SLC25A1: variants seen among roughly 807,000 people sequenced by gnomAD.
SLC25A1 encodes solute carrier family 25 member 1.
In SLC25A1, 26 loss-of-function variants were observed where a neutral mutation model predicts 38.1. The ratio of observed to expected loss-of-function variants is 0.68; its 90% CI spans 0.50 to 0.95. SLC25A1 has a LOEUF of 0.95. Ranked by LOEUF, SLC25A1 falls within the 40% of genes least tolerant of loss-of-function variation. SLC25A1 has a pLI of 0.00. For synonymous variants in SLC25A1, 211 were observed against 183.2 expected, an observed-to-expected ratio of 1.15 and a Z score of -1.23; for missense variants, 378 against 426.6, an observed-to-expected ratio of 0.89 and a Z score of 1.00.
chr22:19,178,617 C>G lies in SLC25A1; in HGVS notation c.57G>C (p.Lys19Asn). Reference sequence around the variant, plus strand: ...CCTTCCCCGGGTGCGTCAGCTTGGCCTTCCCGGACGCGGGCGCGGCGGCCG... The same window carrying G: ...CCTTCCCCGGGTGCGTCAGCTTGGCGTTCCCGGACGCGGGCGCGGCGGCCG... Reference protein sequence around the residue: ...ALAAAAPASGKAKLTHPGKAI... With the variant: ...ALAAAAPASGNAKLTHPGKAI... Residue 19 changes from lysine (K) to asparagine (N), a missense_variant, in exon 1 of 9, where the codon AAG (lysine) becomes AAC (asparagine). By Grantham distance (94) the Lys-to-Asn change is moderately conservative (BLOSUM62 0). Coordinates refer to ENST00000215882, the MANE Select transcript of SLC25A1 (RefSeq NM_005984.5). This position sits in a 1 kb window ranked among gnomAD's most constrained non-coding sequence, Gnocchi z 4.9. 2 of 1,203,444 alleles carry G rather than the reference C, an allele frequency of 1.7e-6. No individual in the cohort carries two copies. The highest frequency in any genetic ancestry group is 2.1e-6 in the Non-Finnish European group (2 of 969,600). The allele number at this position is 1,203,444 out of a possible 1,614,324, so 74.5% of individuals were successfully genotyped here.
chr22:19,178,596 C>T lies in SLC25A1; in HGVS notation c.78G>A (p.Gly26=). 3.3e-6 allele frequency: 4 copies of T among 1,210,824 alleles called. No homozygotes were observed. The highest frequency in any genetic ancestry group is 3.4e-5 in the East Asian group (1 of 29,688). The allele number at this position is 1,210,824 out of a possible 1,614,324, so 75.0% of individuals were successfully genotyped here. The change falls in exon 1 of 9, where the codon GGG becomes GGA. Residue 26 remains glycine, a synonymous_variant. Transcript: ENST00000215882. The surrounding 1 kb of genome is among the most constrained non-coding windows in gnomAD (Gnocchi z 4.9). ...GGGGCCCACCTGCCAGGATCGCCTT[C>T]CCCGGGTGCGTCAGCTTGGCCTTCC... ...ASGKAKLTHP[G]KAILAGGLAG...
Position 19,178,733 on chromosome 22 carries a change from G to C in SLC25A1, c.-60C>G. On this transcript the variant is annotated 5_prime_UTR_variant, in exon 1 of 9. Transcript: ENST00000215882. This position sits in a 1 kb window ranked among gnomAD's most constrained non-coding sequence, Gnocchi z 4.9. ...CGGGTCCGAGACTCCAGAACTCCGC[G>C]CTCGGTCCGCGGTGGCGGCGGCGGC... is the stretch of plus-strand genomic sequence containing the variant. The C allele has an allele frequency of 1.2e-6, 1 of 840,258 alleles. No individual in the cohort carries two copies. The allele number at this position is 840,258 out of a possible 1,614,324, so 52.1% of individuals were successfully genotyped here.
rs2146147547 is a variant in SLC25A1, at chr22:19,178,049, A to G, written c.203-8T>C. On this transcript the variant is annotated splice_region_variant and splice_polypyrimidine_tract_variant and intron_variant, in intron 2 of 8. Coordinates refer to ENST00000215882, the MANE Select transcript of SLC25A1 (RefSeq NM_005984.5). The surrounding 1 kb of genome is among the most constrained non-coding windows in gnomAD (Gnocchi z 4.9). Reference sequence around the variant, plus strand: ...TCTGCCGCACGCAGTCCCCTGGGGGAGGGGGCGGTCAGGACCCCACGGCCC... The same window carrying G: ...TCTGCCGCACGCAGTCCCCTGGGGGGGGGGGCGGTCAGGACCCCACGGCCC... 1 of 1,578,824 alleles carries G rather than the reference A, an allele frequency of 6.3e-7. No individual in the cohort carries two copies. Among genetic ancestry groups the G allele is most frequent in the Non-Finnish European group, 8.6e-7 (1 of 1,164,992 alleles).
Position 19,178,725 on chromosome 22 carries a change from A to G in SLC25A1, c.-52T>C. Reference sequence around the variant, plus strand: ...GGCGGCTTCGGGTCCGAGACTCCAGAACTCCGCGCTCGGTCCGCGGTGGCG... The same window carrying G: ...GGCGGCTTCGGGTCCGAGACTCCAGGACTCCGCGCTCGGTCCGCGGTGGCG... On this transcript the variant is annotated 5_prime_UTR_variant, in exon 1 of 9. Coordinates refer to ENST00000215882, the MANE Select transcript of SLC25A1 (RefSeq NM_005984.5). This position sits in a 1 kb window ranked among gnomAD's most constrained non-coding sequence, Gnocchi z 4.9. The G allele has an allele frequency of 1.1e-6, 1 of 883,306 alleles. No homozygotes were observed. The highest frequency in any genetic ancestry group is 1.8e-5 in the African/African-American group (1 of 55,154). 54.7% of individuals were successfully genotyped at this position (883,306 alleles called of 1,614,324 possible). A position where few individuals can be genotyped will look rare whatever the true frequency, so the allele number is the denominator to read the frequency against.
chr22:19,176,117 G>T lies in SLC25A1; in HGVS notation c.*13C>A. On this transcript the variant is annotated 3_prime_UTR_variant, in exon 9 of 9. Coordinates refer to ENST00000215882, the MANE Select transcript of SLC25A1 (RefSeq NM_005984.5). Reference sequence around the variant, plus strand: ...GCGGTGCCTGGGGCGGTCCCCTTGCGGCCTCTCTAGGCTTAGTCCGTCTTC... The same window carrying T: ...GCGGTGCCTGGGGCGGTCCCCTTGCTGCCTCTCTAGGCTTAGTCCGTCTTC... 2 of 1,609,292 alleles carry T rather than the reference G, an allele frequency of 1.2e-6. No homozygotes were observed. Among genetic ancestry groups the T allele is most frequent in the African/African-American group, 1.3e-5 (1 of 74,906 alleles).
In SLC25A1 at chr22:19,176,442, A is replaced by T. The variant is rs782475676; in HGVS notation, c.800T>A (p.Leu267Gln). The T allele has an allele frequency of 6.2e-7, 1 of 1,613,686 alleles. No individual in the cohort carries two copies. Among genetic ancestry groups the T allele is most frequent in the South Asian group, 1.1e-5 (1 of 91,078 alleles). Reference protein sequence around the residue: ...RNTWDCGLQILKKEGLKAFYK... With the variant: ...RNTWDCGLQIQKKEGLKAFYK... ...TCACGCCTTGAGCCCCTCCTTCTTC[A>T]GGATCTGCAAGCCGCAGTCCCACGT... The change falls in exon 8 of 9, where the codon CTG (leucine) becomes CAG (glutamine). Residue 267 changes from leucine to glutamine, a missense_variant. Leu to Gln is a moderately radical substitution (Grantham distance 113). Coordinates refer to ENST00000215882, the MANE Select transcript of SLC25A1 (RefSeq NM_005984.5).
chr22:19,178,246 G>C lies in SLC25A1; in HGVS notation c.95-6C>G. The C allele has an allele frequency of 1.9e-6, 3 of 1,545,830 alleles. No homozygotes were observed. Among genetic ancestry groups the C allele is most frequent in the Non-Finnish European group, 1.7e-6 (2 of 1,145,178 alleles). On this transcript the variant is annotated splice_polypyrimidine_tract_variant and splice_region_variant and intron_variant, in intron 1 of 8. Coordinates refer to ENST00000215882, the MANE Select transcript of SLC25A1 (RefSeq NM_005984.5). This position sits in a 1 kb window ranked among gnomAD's most constrained non-coding sequence, Gnocchi z 4.9. ...GATGCCACCCGCCAGGCCGCCTGCA[G>C]GGACCGGGAACCCGCTCCTGAGACT...
chr22:19,177,788 C>G lies in SLC25A1; in HGVS notation c.380G>C (p.Cys127Ser), dbSNP rs1041512849. ...GRLDSTRGLLCGLGAGVAEAV... is the reference protein window; with the variant it reads ...GRLDSTRGLLSGLGAGVAEAV... ...CTCGGCCACGCCAGCGCCCAGGCCG[C>G]ACAGCAGCCCACGCGTGCTGTCCAG... The change falls in exon 4 of 9, where the codon TGC becomes TCC. Residue 127 changes from cysteine (C) to serine (S), a missense_variant. Transcript: ENST00000215882. 9.3e-6 allele frequency: 15 copies of G among 1,610,648 alleles called. No homozygotes were observed. The highest frequency in any genetic ancestry group is 1.3e-5 in the Non-Finnish European group (15 of 1,179,574).
chr22:19,177,018 G>A, intron 5 of SLC25A1, 68 bp from the exon 6 acceptor site: 2 of 1,586,638 alleles, frequency 1.3e-6, no homozygotes, highest in South Asian at 1.1e-5. Flanking sequence ...GGTGTGTGTG[G>A]GGGGTGGGTG....
chr22:19,176,086 A>C lies in SLC25A1; in HGVS notation c.*44T>G. The stretch of plus-strand genomic sequence containing the variant: ...AATCGTGAGACAAAGGTAGCAGGAC[A>C]CTCTGGCGGTGCCTGGGGCGGTCCC... On this transcript the variant is annotated 3_prime_UTR_variant, in exon 9 of 9. Coordinates refer to ENST00000215882, the MANE Select transcript of SLC25A1 (RefSeq NM_005984.5). 6.7e-7 allele frequency: 1 copy of C among 1,497,210 alleles called. No individual in the cohort carries two copies. The highest frequency in any genetic ancestry group is 1.1e-5 in the South Asian group (1 of 88,760). The allele number at this position is 1,497,210 out of a possible 1,614,324, so 92.7% of individuals were successfully genotyped here. A position where few individuals can be genotyped will look rare whatever the true frequency, so the allele number is the denominator to read the frequency against.
At chr22:19,177,298 A>G in intron 4 of SLC25A1, 94 bp from the exon 5 acceptor site, 1 of 1,016,088 alleles carries the variant, frequency 9.8e-7, no homozygotes, top group South Asian at 1.4e-5. Flanking sequence ...GGTGGAGGGA[A>G]CTGGGAACTC....
Position 19,178,544 on chromosome 22 carries a change from C to T in SLC25A1, c.94+36G>A. On this transcript the variant is annotated intron_variant, in intron 1 of 8. Coordinates refer to ENST00000215882, the MANE Select transcript of SLC25A1 (RefSeq NM_005984.5). This position sits in a 1 kb window ranked among gnomAD's most constrained non-coding sequence, Gnocchi z 4.9. ...AGCGTCCCGGGCCCACCCAGAAGCG[C>T]GGCGGGAGAGGGGTCCGCGTCCCGG... 1.6e-6 allele frequency: 2 copies of T among 1,257,544 alleles called. No homozygotes were observed. Among genetic ancestry groups the T allele is most frequent in the Non-Finnish European group, 2.0e-6 (2 of 1,002,440 alleles). 77.9% of individuals were successfully genotyped at this position (1,257,544 alleles called of 1,614,324 possible).
chr22:19,176,519 G>C (rs113025212), intron 7 of SLC25A1, 25 bp from the exon 8 acceptor site: 13 of 1,613,142 alleles, frequency 8.1e-6, no homozygotes, highest in African/African-American at 1.3e-5. Context: ...AGCAGGCAGG[G>C]GCTCAGCAGC....
In SLC25A1 at chr22:19,178,184, T is replaced by C; in HGVS notation, c.151A>G (p.Thr51Ala). The C allele has an allele frequency of 5.2e-6, 8 of 1,552,756 alleles. No homozygotes were observed. Among genetic ancestry groups the C allele is most frequent in the Non-Finnish European group, 7.0e-6 (8 of 1,149,272 alleles). ...GAGCGCTCGTCCAGCTGCAGCTGCG[T>C]CTTCACGTACTCGGTGGGGAAGGTG... ...CITFPTEYVKTQLQLDERSHP... is the reference protein window; with the variant it reads ...CITFPTEYVKAQLQLDERSHP... Residue 51 changes from threonine (T) to alanine (A), a missense_variant, in exon 2 of 9, where the codon ACG becomes GCG. Thr to Ala is a moderately conservative substitution (Grantham distance 58, BLOSUM62 0). Coordinates refer to ENST00000215882, the MANE Select transcript of SLC25A1 (RefSeq NM_005984.5). The surrounding 1 kb of genome is among the most constrained non-coding windows in gnomAD (Gnocchi z 4.9).
intron 8 of SLC25A1, 51 bp downstream of exon 8, chr22:19,176,370 G>T (rs2083959495): frequency 6.3e-7 from 1 of 1,594,802 alleles, no homozygotes; most frequent in Non-Finnish European, 8.6e-7. Context: ...GGCCAGGTAG[G>T]CCGGGAAAGG....
In SLC25A1 at chr22:19,176,961, G is replaced by C; in HGVS notation, c.527-11C>G. The C allele has an allele frequency of 6.2e-7, 1 of 1,613,130 alleles. No homozygotes were observed. The highest frequency in any genetic ancestry group is 8.5e-7 in the Non-Finnish European group (1 of 1,179,672). On this transcript the variant is annotated splice_polypyrimidine_tract_variant and intron_variant, in intron 5 of 8. Coordinates refer to ENST00000215882, the MANE Select transcript of SLC25A1 (RefSeq NM_005984.5). The stretch of plus-strand genomic sequence containing the variant: ...ACGTCCCCTTCAGCCCTGCGGGAAG[G>C]CAGGCACGGGGTTACCCTGCAGCCT...
At position 19,177,048 on chromosome 22, in the gene SLC25A1, G is replaced by A. The variant is rs565130690; in HGVS notation, c.526+72C>T. 20 of 1,580,832 alleles carry A rather than the reference G, an allele frequency of 1.3e-5. No individual in the cohort carries two copies. The East Asian group carries it at 3.1e-4, about 25-fold the overall frequency. On this transcript the variant is annotated intron_variant, in intron 5 of 8. Transcript: ENST00000215882. ...TGGGTGTTGCACAAAGCCCAAGGCA[G>A]GATGGGAGGTGCAGGCCCTTCCCAC...
Position 19,178,059 on chromosome 22 carries a change from C to T in SLC25A1, c.203-18G>A. On this transcript the variant is annotated intron_variant, in intron 2 of 8. Transcript: ENST00000215882. This position sits in a 1 kb window ranked among gnomAD's most constrained non-coding sequence, Gnocchi z 4.9. The stretch of plus-strand genomic sequence containing the variant: ...GCAGTCCCCTGGGGGAGGGGGCGGT[C>T]AGGACCCCACGGCCCTCGGTGCCGC... 6.4e-7 allele frequency: 1 copy of T among 1,566,626 alleles called. No homozygotes were observed. Among genetic ancestry groups the T allele is most frequent in the Non-Finnish European group, 8.6e-7 (1 of 1,158,216 alleles).
At chr22:19,177,020 G>A in intron 5 of SLC25A1, 70 bp from the exon 6 acceptor site, 1 of 1,585,220 alleles carries the variant, frequency 6.3e-7, no homozygotes, top group South Asian at 1.1e-5. Context: ...TGTGTGTGGG[G>A]GGTGGGTGTT....
Sources: allele counts gnomAD v4.1 joint callset, GRCh38; gene constraint gnomAD v4.1.1; non-coding constraint Gnocchi (gnomAD v3.1); transcripts MANE v1.5; gene names NCBI Gene and HGNC (gene_info 2026-07-23, HGNC 2026-07-21).